The following DCAF10 variants were observed in gnomAD, a reference collection of about 807,000 sequenced individuals.
DCAF10 encodes the protein DDB1- and CUL4-associated factor 10.
In DCAF10, 19 loss-of-function variants were observed where a neutral mutation model predicts 51.9. That is an observed-to-expected ratio of 0.37 (90% confidence interval 0.26 to 0.54). The LOEUF is 0.54. Among genes scored for constraint, DCAF10 ranks in the 20% least tolerant of loss-of-function variants. The probability of loss-of-function intolerance (pLI) is 0.87; values close to 1 mark genes in which losing one functional copy is unlikely to be tolerated. For synonymous variants in DCAF10, 291 were observed against 297.1 expected (o/e 0.98, Z 0.21); for missense variants, 510 against 730.6 (o/e 0.70, Z 3.48).
chr9:37,842,459 A>T (rs1830362117), intron 3 of DCAF10, among the ~76,000 whole-genome samples, 173 bp downstream of exon 3: 1 of 152,212 alleles, frequency 6.6e-6, no homozygotes, highest in African/African-American at 2.4e-5. Context: ...TGCAACTAAA[A>T]ATTTTGGGGA....
intron 5 of DCAF10, chr9:37,858,579 G>A (rs1830919899): frequency 2.0e-5 from 3 of 152,172 alleles, no homozygotes; most frequent in Admixed American, 2.0e-4. Flanking sequence ...AAGAATGAGG[G>A]AAGAGATGAT....
chr9:37,833,314 C>T (rs1450495726), intron 2 of DCAF10, among the ~76,000 whole-genome samples: 2 of 152,152 alleles, frequency 1.3e-5, no homozygotes, highest in Non-Finnish European at 2.9e-5. Context: ...ATGGGATTAT[C>T]TCCCAATAAA....
chr9:37,833,166 A>T (rs1589097112), intron 2 of DCAF10, among the ~76,000 whole-genome samples: 1 of 152,234 alleles, frequency 6.6e-6, no homozygotes, highest in African/African-American at 2.4e-5. Context: ...CTTTTTGATT[A>T]TACTACAAAT....
At chr9:37,825,690 A>G (rs1322423151) in intron 2 of DCAF10, among the ~76,000 whole-genome samples, 1 of 152,168 alleles carries the variant, frequency 6.6e-6, no homozygotes, top group Non-Finnish European at 1.5e-5. Flanking sequence ...GTTTAGCTAT[A>G]TAACAAACCT....
intron 3 of DCAF10, 150 bp downstream of exon 3, chr9:37,842,436 C>T: frequency 1.3e-6 from 1 of 756,594 alleles, no homozygotes; most frequent in Non-Finnish European, 2.0e-6. Context: ...GTTAATTGTA[C>T]CTAGTCATAT....
At chr9:37,837,287 C>T (rs997982501) in intron 2 of DCAF10, among the ~76,000 whole-genome samples, 1 of 151,802 alleles carries the variant, frequency 6.6e-6, no homozygotes, top group African/African-American at 2.4e-5. Context: ...GGTGAAACCC[C>T]GTCTCTACTA....
intron 2 of DCAF10, among the ~76,000 whole-genome samples, chr9:37,824,945 T>C (rs1161192776): frequency 6.6e-6 from 1 of 152,098 alleles, no homozygotes; most frequent in East Asian, 1.9e-4. Context: ...AAAAACAGAA[T>C]TATAAAGAAT....
intron 2 of DCAF10, among the ~76,000 whole-genome samples, chr9:37,822,936 C>T (rs997551116): frequency 1.3e-5 from 2 of 152,146 alleles, no homozygotes; most frequent in African/African-American, 4.8e-5. Context: ...CCACTGCTCT[C>T]AGCCTAGGTG....
At chr9:37,857,441 T>G (rs1830884402) in intron 5 of DCAF10, 90 bp downstream of exon 5, 44 of 955,806 alleles carry the variant, frequency 4.6e-5, no homozygotes, top group Non-Finnish European at 6.1e-5. Context: ...TTTTATGGTT[T>G]TAATCCATAA....
chr9:37,828,610 G>A (rs1472459432), intron 2 of DCAF10, among the ~76,000 whole-genome samples: 1 of 152,050 alleles, frequency 6.6e-6, no homozygotes, highest in Non-Finnish European at 1.5e-5. Flanking sequence ...AACTTATATA[G>A]AACAGCAAGA....
chr9:37,819,736 A>G (rs1247338723), intron 2 of DCAF10, among the ~76,000 whole-genome samples: 1 of 152,196 alleles, frequency 6.6e-6, no homozygotes, highest in African/African-American at 2.4e-5. Flanking sequence ...TGGCAGTCCC[A>G]TTGCTTAGCA....
chr9:37,816,885 A>C (rs1829556251), intron 1 of DCAF10, among the ~76,000 whole-genome samples: 1 of 152,274 alleles, frequency 6.6e-6, no homozygotes, highest in South Asian at 2.1e-4. Flanking sequence ...ATTTCAACAA[A>C]ATTTTTTAAC....
intron 3 of DCAF10, among the ~76,000 whole-genome samples, chr9:37,845,644 C>CTAA (rs1830452755): frequency 6.6e-6 from 1 of 152,008 alleles, no homozygotes; most frequent in South Asian, 2.1e-4. Flanking sequence ...CCTGAGTTAC[C>CTAA]CTCTGACACC....
intron 3 of DCAF10, 88 bp downstream of exon 3, chr9:37,842,374 C>A: frequency 7.8e-7 from 1 of 1,284,186 alleles, no homozygotes; most frequent in Non-Finnish European, 1.0e-6. Context: ...GTCCTAGCCT[C>A]AAGAAGGAAA....
intron 2 of DCAF10, among the ~76,000 whole-genome samples, chr9:37,827,320 A>G (rs566451620): frequency 4.6e-5 from 7 of 152,284 alleles, no homozygotes; most frequent in Admixed American, 4.6e-4. Flanking sequence ...ATAGGATAAA[A>G]GTATGATTAA....
At chr9:37,851,810 A>AATAT (rs1381716837) in intron 3 of DCAF10, among the ~76,000 whole-genome samples, 2 of 150,766 alleles carry the variant, frequency 1.3e-5, no homozygotes, top group East Asian at 1.9e-4. Flanking sequence ...TAAATAAATA[A>AATAT]ATATATATGA....
In DCAF10 at chr9:37,801,240, G is replaced by A; in HGVS notation, c.374G>A (p.Gly125Glu). The A allele has an allele frequency of 1.3e-6, 2 of 1,581,800 alleles. No homozygotes were observed. The highest frequency in any genetic ancestry group is 1.7e-6 in the Non-Finnish European group (2 of 1,166,962). Residue 125 changes from glycine to glutamate, a missense_variant, in exon 1 of 7, where the codon GGG (glycine) becomes GAG (glutamate). Around this residue, in one of 4 missense-constraint regions of DCAF10, gnomAD observed 251 missense variants for 227.9 expected, o/e 1.10. Coordinates refer to ENST00000377724, the MANE Select transcript of DCAF10 (RefSeq NM_024345.5). The surrounding 1 kb of genome is among the most constrained non-coding windows in gnomAD (Gnocchi z 5.5). Reference sequence around the variant, plus strand: ...GGCGGCCCTGGCGCTAGGCTGTTCGGGTGGCTGAAAGAGCGCAGCCTGGGC... The same window carrying A: ...GGCGGCCCTGGCGCTAGGCTGTTCGAGTGGCTGAAAGAGCGCAGCCTGGGC... ...GLGGPGARLF[G>E]WLKERSLGRG...
At chr9:37,831,553 C>G (rs1830007098) in intron 2 of DCAF10, among the ~76,000 whole-genome samples, 1 of 152,136 alleles carries the variant, frequency 6.6e-6, no homozygotes, top group Non-Finnish European at 1.5e-5. Flanking sequence ...TGGTTTGAAT[C>G]TAGACGGTCA....
chr9:37,819,164 GCTA>G (rs1346645836), intron 1 of DCAF10, 121 bp from the exon 2 acceptor site: 3 of 649,230 alleles, frequency 4.6e-6, no homozygotes, highest in Non-Finnish European at 7.9e-6. Context: ...TTAAACATTT[GCTA>G]CTAACATGGG....
Sources: gnomAD v4.1 joint callset for allele counts (sites outside exome capture counted in the v4.1 genomes callset) on GRCh38, gnomAD v4.1.1 for gene constraint, gnomAD v4.1.1 regional missense constraint, Gnocchi (gnomAD v3.1) non-coding constraint, MANE v1.5 for transcripts, NCBI Gene and HGNC (gene_info 2026-07-23, HGNC 2026-07-21) for gene names.